CELF2: variants seen among roughly 807,000 people sequenced by gnomAD.
The protein encoded by CELF2 is CUG triplet repeat RNA-binding protein 2.
Under a neutral mutation model 62.6 loss-of-function variants are expected in CELF2, and 8 were observed. That is an observed-to-expected ratio of 0.13 (90% CI 0.07 to 0.23). The LOEUF (loss-of-function observed/expected upper bound fraction) is 0.23. Ranked by LOEUF, CELF2 falls within the 10% of genes least tolerant of loss-of-function variation. CELF2 has a pLI of 1.00. For synonymous variants in CELF2, 258 were observed against 250.0 expected (o/e 1.03, Z -0.30); for missense variants, 333 against 671.0 (o/e 0.50, Z 5.56).
At chr10:10,509,899 A>G in the CELF2 span, among the ~76,000 whole-genome samples, 3 of 152,168 alleles carry the variant, frequency 2.0e-5, no homozygotes, top group Admixed American at 1.3e-4. Context: ...AAGCACAACC[A>G]TGAGTCAGAG....
Position 10,995,643 on chromosome 10 carries a change from C to G in CELF2, c.89+75644C>G, listed in dbSNP as rs1282072027. On this transcript the variant is annotated intron_variant, in intron 2 of 13. Coordinates refer to the CELF2 transcript ENST00000636488. This position sits in a 1 kb window ranked among gnomAD's most constrained non-coding sequence, Gnocchi z 4.7. ...GGACTTCATCTTAGGGTAGGGGACA[C>G]CTTCAAAGAGTTGTAAGCGGGAGAC... 6.6e-6 allele frequency among the ~76,000 whole-genome samples: 1 copy of G among 152,046 alleles called. No homozygotes were observed. The highest frequency in any genetic ancestry group is 1.5e-5 in the Non-Finnish European group (1 of 68,020).
chr10:10,841,587 AT>A (rs1375271944), intron 1 of CELF2, among the ~76,000 whole-genome samples: 3 of 149,140 alleles, frequency 2.0e-5, no homozygotes, highest in Non-Finnish European at 4.5e-5. Flanking sequence ...GTGTTTGTCT[AT>A]ATTTGGGCTT....
chr10:10,473,896 C>A, the CELF2 span, among the ~76,000 whole-genome samples: 2 of 152,032 alleles, frequency 1.3e-5, no homozygotes, highest in Non-Finnish European at 2.9e-5. Flanking sequence ...ATATTTAACA[C>A]TGATTCTTAA....
chr10:10,649,960 G>A, the CELF2 span, among the ~76,000 whole-genome samples: 2 of 150,978 alleles, frequency 1.3e-5, no homozygotes, highest in Non-Finnish European at 3.0e-5. Context: ...ATCGATGCCC[G>A]AGACAACACA....
chr10:11,152,245 G>A (rs12098300), intron 1 of CELF2, among the ~76,000 whole-genome samples: 2,247 of 152,252 alleles, frequency 0.015, 45 homozygotes, highest in African/African-American at 0.051. Context: ...GACCAAGTTT[G>A]GACAGAAAGA....
In CELF2 at chr10:11,288,492, A is replaced by G; in HGVS notation, c.916A>G (p.Ser306Gly). 6.2e-7 allele frequency: 1 copy of G among 1,614,020 alleles called. No homozygotes were observed. Among genetic ancestry groups the G allele is most frequent in the Non-Finnish European group, 8.5e-7 (1 of 1,180,038 alleles). The change falls in exon 9 of 13, where the codon AGC (serine) becomes GGC (glycine). Residue 306 changes from serine to glycine, a missense_variant. Ser to Gly is a moderately conservative substitution (Grantham distance 56). Around this residue, in one of 3 missense-constraint regions of CELF2, gnomAD observed 253 missense variants for 503.0 expected, o/e 0.50. Transcript: ENST00000633077. ...AAAAAQTSAT[S>G]TNANPLSTTS... ...AGCTGCGGCCCAGACCTCAGCCACCAGCACCAATGCAAACCCTCTCTCTAC... is the reference window on the plus strand; with the variant it reads ...AGCTGCGGCCCAGACCTCAGCCACCGGCACCAATGCAAACCCTCTCTCTAC...
At chr10:10,615,612 C>G in the CELF2 span, among the ~76,000 whole-genome samples, 3 of 152,022 alleles carry the variant, frequency 2.0e-5, no homozygotes, top group African/African-American at 7.3e-5. Flanking sequence ...GTGATTGGAC[C>G]ACGGGGGCAG....
At chr10:11,105,491 A>G (rs983432124) in intron 1 of CELF2, 5 of 152,182 alleles carry the variant, frequency 3.3e-5, no homozygotes, top group African/African-American at 4.8e-5. Context: ...GTTGGCCATG[A>G]CTTGATTATC....
intron 1 of CELF2, among the ~76,000 whole-genome samples, chr10:11,024,599 T>G (rs561364931): frequency 1.3e-5 from 2 of 151,846 alleles, no homozygotes; most frequent in East Asian, 1.9e-4. Context: ...AGACTCCGTC[T>G]TCTTCTTCTA....
intron 2 of CELF2, among the ~76,000 whole-genome samples, chr10:10,926,773 C>T (rs940512719): frequency 1.1e-4 from 17 of 152,192 alleles, no homozygotes; most frequent in Middle Eastern, 3.4e-3. Flanking sequence ...AGGTAGGAGT[C>T]GGGGTAAGGG....
chr10:10,902,281 T>G (rs1181852145), intron 1 of CELF2, among the ~76,000 whole-genome samples: 1 of 152,208 alleles, frequency 6.6e-6, no homozygotes, highest in African/African-American at 2.4e-5. Flanking sequence ...GATAGAAAGA[T>G]GTGTACATGA....
chr10:10,733,931 T>A, the CELF2 span, among the ~76,000 whole-genome samples: 1 of 151,998 alleles, frequency 6.6e-6, no homozygotes, highest in Non-Finnish European at 1.5e-5. Context: ...TAATACAAAT[T>A]TACAAAAATG....
intron 1 of CELF2, among the ~76,000 whole-genome samples, chr10:11,060,496 T>C (rs1308448312): frequency 6.6e-6 from 1 of 152,212 alleles, no homozygotes; most frequent in South Asian, 2.1e-4. Flanking sequence ...TTGCCTACCC[T>C]CAATGCTCCT....
rs1275275551 is a variant in CELF2 at position 11,177,013 on chromosome 10, C to T, written c.271+11331C>T. On this transcript the variant is annotated intron_variant, in intron 2 of 12. Coordinates refer to ENST00000633077, the MANE Select transcript of CELF2 (RefSeq NM_001326342.2). The surrounding 1 kb of genome is among the most constrained non-coding windows in gnomAD (Gnocchi z 4.8). Reference sequence around the variant, plus strand: ...TATTTCAGTGAGACGCTGGTTCCTTCTCACCCCTGCACCCTTCCTGGAATC... The same window carrying T: ...TATTTCAGTGAGACGCTGGTTCCTTTTCACCCCTGCACCCTTCCTGGAATC... 1.3e-5 allele frequency among the ~76,000 whole-genome samples: 2 copies of T among 152,176 alleles called. No individual in the cohort carries two copies. The highest frequency in any genetic ancestry group is 2.9e-5 in the Non-Finnish European group (2 of 68,022).
chr10:11,064,209 T>G (rs1033490606), intron 1 of CELF2, among the ~76,000 whole-genome samples: 2 of 152,246 alleles, frequency 1.3e-5, no homozygotes, highest in African/African-American at 4.8e-5. Flanking sequence ...AACCTGATTC[T>G]TAGATCTGGG....
intron 1 of CELF2, among the ~76,000 whole-genome samples, chr10:10,897,012 G>A (rs1034014424): frequency 3.9e-5 from 6 of 152,176 alleles, no homozygotes; most frequent in Admixed American, 2.0e-4. Flanking sequence ...GGAAGTGGCT[G>A]TGGAATTGGG....
chr10:10,631,371 A>G, the CELF2 span, among the ~76,000 whole-genome samples: 1 of 152,160 alleles, frequency 6.6e-6, no homozygotes, highest in Admixed American at 6.5e-5. Context: ...AGGGCTTGGA[A>G]CTAACCTTCC....
intron 7 of CELF2, among the ~76,000 whole-genome samples, chr10:11,271,568 G>A (rs1590253469): frequency 6.6e-6 from 1 of 152,292 alleles, no homozygotes; most frequent in South Asian, 2.1e-4. Flanking sequence ...CAGTACTCCA[G>A]AGATTTTATT....
intron 1 of CELF2, among the ~76,000 whole-genome samples, chr10:10,830,457 G>T (rs113547417): frequency 6.6e-6 from 1 of 151,994 alleles, no homozygotes; most frequent in Non-Finnish European, 1.5e-5. Context: ...AACATAGTTC[G>T]TATAATATGT....
Sources: allele counts gnomAD v4.1 joint callset (sites outside exome capture counted in the v4.1 genomes callset), GRCh38; gene constraint gnomAD v4.1.1; regional missense constraint gnomAD v4.1.1; non-coding constraint Gnocchi (gnomAD v3.1); transcripts MANE v1.5; gene names NCBI Gene and HGNC (gene_info 2026-07-23, HGNC 2026-07-21).